Variants in CRACDL observed in about 807,000 individuals in gnomAD.
The protein encoded by CRACDL is CRACD-like protein.
A neutral mutation model predicts 70.6 loss-of-function variants in CRACDL; 26 were observed. The ratio of observed to expected loss-of-function variants is 0.37; its 90% CI spans 0.27 to 0.51. The LOEUF (loss-of-function observed/expected upper bound fraction) is 0.51, where lower values mean the gene tolerates loss of function less well. CRACDL is among the 20% of genes least tolerant of loss of function. The pLI is 0.94. For synonymous variants in CRACDL, 618 were observed against 615.2 expected, an observed-to-expected ratio of 1.00 and a Z score of -0.07; for missense variants, 1,283 against 1,376.9, an observed-to-expected ratio of 0.93 and a Z score of 1.08.
intron 1 of CRACDL, among the ~76,000 whole-genome samples, chr2:98,882,854 C>T (rs994986369): frequency 6.6e-6 from 1 of 152,214 alleles, no homozygotes; most frequent in Non-Finnish European, 1.5e-5. Context: ...CAGGCTGAGG[C>T]AATCTCTAAG....
At chr2:98,825,640 C>T (rs927743552) in intron 6 of CRACDL, among the ~76,000 whole-genome samples, 7 of 152,218 alleles carry the variant, frequency 4.6e-5, no homozygotes, top group Non-Finnish European at 7.3e-5. Context: ...TCATTCAGCA[C>T]GAGTACAGGC....
In CRACDL at chr2:98,794,429, A is replaced by G; in HGVS notation, c.*103T>C. ...AAGTTCGTCATAACTTGATGATAAA[A>G]TCAATCTTTAAGTTTCACAGTTTGT... On this transcript the variant is annotated 3_prime_UTR_variant, in exon 10 of 10. Transcript: ENST00000397899. The G allele has an allele frequency of 9.3e-7, 1 of 1,080,624 alleles. No homozygotes were observed. The highest frequency in any genetic ancestry group is 1.4e-6 in the Non-Finnish European group (1 of 733,572). The allele number at this position is 1,080,624 out of a possible 1,614,324, so 66.9% of individuals were successfully genotyped here.
At chr2:98,831,438 C>T (rs908272650) in intron 5 of CRACDL, among the ~76,000 whole-genome samples, 1 of 152,148 alleles carries the variant, frequency 6.6e-6, no homozygotes, top group African/African-American at 2.4e-5. Flanking sequence ...AACGAAGCTC[C>T]CCCTTCACTG....
chr2:98,854,159 G>GGGAC (rs1463163426), intron 1 of CRACDL, among the ~76,000 whole-genome samples: 3 of 151,392 alleles, frequency 2.0e-5, no homozygotes, highest in Non-Finnish European at 4.4e-5. Context: ...GTGGGCACCT[G>GGGAC]TAGTCCCAGT....
At chr2:98,880,953 G>C (rs1707633962) in intron 1 of CRACDL, among the ~76,000 whole-genome samples, 1 of 152,188 alleles carries the variant, frequency 6.6e-6, no homozygotes, top group South Asian at 2.1e-4. Flanking sequence ...CTTTTTAATA[G>C]CTTGAGGGGC....
In CRACDL at chr2:98,796,202, G is replaced by T. The variant is rs201058038; in HGVS notation, c.2667C>A (p.Pro889=). The change falls in exon 9 of 10, where the codon CCC becomes CCA. Residue 889 remains proline, a synonymous_variant. Coordinates refer to ENST00000397899, the MANE Select transcript of CRACDL (RefSeq NM_207362.3). ...TTGCCCCCTGCTTCCGGTCCACAGCGGGCTTCACAGGGGTTATCAGGAAAG... is the reference window on the plus strand; with the variant it reads ...TTGCCCCCTGCTTCCGGTCCACAGCTGGCTTCACAGGGGTTATCAGGAAAG... ...SKSFLITPVK[P]AVDRKQGAKL... is the part of the protein sequence containing the mutation. 139 of 1,614,026 alleles carry T rather than the reference G, an allele frequency of 8.6e-5. No homozygotes were observed. Among genetic ancestry groups the T allele is most frequent in the Non-Finnish European group, 1.1e-4 (126 of 1,179,970 alleles).
At chr2:98,907,739 A>G (rs1383111122) in intron 1 of CRACDL, among the ~76,000 whole-genome samples, 2 of 152,224 alleles carry the variant, frequency 1.3e-5, no homozygotes, top group African/African-American at 4.8e-5. Flanking sequence ...CAGTTCCTTC[A>G]TGCATTCTGT....
chr2:98,853,753 G>C (rs1292002487), intron 1 of CRACDL, among the ~76,000 whole-genome samples: 1 of 152,172 alleles, frequency 6.6e-6, no homozygotes, highest in Non-Finnish European at 1.5e-5. Context: ...TTGTATGTAT[G>C]ACTAGACTAT....
chr2:98,866,475 C>CTTTTTT (rs1173322192), intron 1 of CRACDL, among the ~76,000 whole-genome samples: 575 of 43,180 alleles, frequency 0.013, 28 homozygotes, highest in East Asian at 0.023. Context: ...ATCACTTCTT[C>CTTTTTT]TTTTTTTTTT....
At position 98,797,424 on chromosome 2, in the gene CRACDL, G is replaced by C. The variant is rs1438323982; in HGVS notation, c.2530C>G (p.Gln844Glu). ...RRGTLDQPPNQEDKPGARTLK... is the reference protein window; with the variant it reads ...RRGTLDQPPNEEDKPGARTLK... ...GTCCGTGCCCCAGGCTTGTCTTCCT[G>C]GTTGGGTGGCTGGTCCAAGGTCCCC... The change falls in exon 8 of 10, where the codon CAG (glutamine) becomes GAG (glutamate). Residue 844 changes from glutamine (Q) to glutamate (E), a missense_variant. Coordinates refer to ENST00000397899, the MANE Select transcript of CRACDL (RefSeq NM_207362.3). The C allele has an allele frequency of 1.9e-6, 3 of 1,614,106 alleles. No homozygotes were observed. The highest frequency in any genetic ancestry group is 2.5e-6 in the Non-Finnish European group (3 of 1,180,046).
intron 1 of CRACDL, among the ~76,000 whole-genome samples, chr2:98,928,999 G>A (rs996574850): frequency 1.3e-5 from 2 of 151,972 alleles, no homozygotes; most frequent in African/African-American, 4.8e-5. Context: ...TCAAGGGAGT[G>A]GGTCTGACCC....
intron 1 of CRACDL, among the ~76,000 whole-genome samples, chr2:98,929,554 G>A (rs1437629568): frequency 6.6e-6 from 1 of 152,144 alleles, no homozygotes; most frequent in African/African-American, 2.4e-5. Flanking sequence ...CAGTGTCTGT[G>A]GACCTGAAGT....
At chr2:98,934,189 T>C (rs1028616355) in intron 1 of CRACDL, among the ~76,000 whole-genome samples, 1 of 138,980 alleles carries the variant, frequency 7.2e-6, no homozygotes, top group Non-Finnish European at 1.5e-5. Flanking sequence ...TTGGTCAAGA[T>C]TCATCCTTTT....
intron 1 of CRACDL, among the ~76,000 whole-genome samples, chr2:98,897,702 T>C (rs1171360987): frequency 6.6e-6 from 1 of 152,204 alleles, no homozygotes; most frequent in Non-Finnish European, 1.5e-5. Flanking sequence ...TAGAGGTGCA[T>C]ATAATCATGG....
intron 1 of CRACDL, among the ~76,000 whole-genome samples, chr2:98,932,278 A>T (rs1709097508): frequency 6.6e-6 from 1 of 152,166 alleles, no homozygotes; most frequent in Admixed American, 6.5e-5. Context: ...TTTCAAAGGC[A>T]GTTCTCTTGC....
intron 2 of CRACDL, 89 bp downstream of exon 2, chr2:98,846,642 A>G: frequency 9.4e-7 from 1 of 1,067,640 alleles, no homozygotes; most frequent in African/African-American, 1.6e-5. Flanking sequence ...TTCATACAGA[A>G]AGCCCCAAAG....
At chr2:98,897,283 C>T (rs1216714080) in intron 1 of CRACDL, 7 of 704,034 alleles carry the variant, frequency 9.9e-6, no homozygotes, top group East Asian at 6.6e-5. Context: ...TTGCATGTAC[C>T]GGTGGTTTGT....
At chr2:98,876,114 T>C (rs766338101) in intron 1 of CRACDL, among the ~76,000 whole-genome samples, 9 of 152,156 alleles carry the variant, frequency 5.9e-5, no homozygotes, top group Admixed American at 2.6e-4. Flanking sequence ...AGGTTTAGAG[T>C]TGGAGATGTA....
intron 1 of CRACDL, among the ~76,000 whole-genome samples, chr2:98,929,142 G>A (rs952594798): frequency 1.3e-5 from 2 of 152,196 alleles, no homozygotes; most frequent in African/African-American, 2.4e-5. Flanking sequence ...GGGAACAAAG[G>A]TCAATAATTA....
Sources: gnomAD v4.1 joint callset for allele counts (sites outside exome capture counted in the v4.1 genomes callset) on GRCh38, gnomAD v4.1.1 for gene constraint, MANE v1.5 for transcripts, NCBI Gene and HGNC (gene_info 2026-07-23, HGNC 2026-07-21) for gene names.